Variants in DNA2 observed in about 807,000 individuals in gnomAD.
The protein encoded by DNA2 is DNA replication ATP-dependent helicase/nuclease DNA2.
In DNA2, 101 loss-of-function variants were observed where a neutral mutation model predicts 119.1. The observed-to-expected ratio is 0.85, with a 90% CI of 0.72 to 1.00. The LOEUF (loss-of-function observed/expected upper bound fraction) is 1.00. DNA2 is among the 50% of genes least tolerant of loss of function. The probability of loss-of-function intolerance (pLI) is 0.00; values close to 1 mark genes in which losing one functional copy is unlikely to be tolerated. For synonymous variants in DNA2, 366 were observed against 424.4 expected, an observed-to-expected ratio of 0.86 and a Z score of 1.69; for missense variants, 1,121 against 1,255.5, an observed-to-expected ratio of 0.89 and a Z score of 1.62.
In DNA2 at chr10:68,431,867, T is replaced by G. The variant is rs780293065; in HGVS notation, c.1978A>C (p.Thr660Pro). ...CAGAAGAATAATAACCTTACGAGAG[T>G]ACATATCGTAGTTGTTTTTCCTGTC... Reference protein sequence around the residue: ...PGTGKTTTICTLVRILYACGF... With the variant: ...PGTGKTTTICPLVRILYACGF... Residue 660 changes from threonine to proline, a missense_variant, in exon 13 of 21, where the codon ACT (threonine) becomes CCT (proline). By Grantham distance (38) the Thr-to-Pro change is conservative (BLOSUM62 -1). Coordinates refer to ENST00000358410, the MANE Select transcript of DNA2 (RefSeq NM_001080449.3). The G allele has an allele frequency of 2.5e-6, 4 of 1,597,118 alleles. No individual in the cohort carries two copies. Among genetic ancestry groups the G allele is most frequent in the Non-Finnish European group, 3.4e-6 (4 of 1,165,160 alleles).
chr10:68,453,627 T>C (rs2052147737), intron 5 of DNA2, among the ~76,000 whole-genome samples: 1 of 152,202 alleles, frequency 6.6e-6, no homozygotes, highest in South Asian at 2.1e-4. Context: ...CTAGCTATTG[T>C]GGTAATACAA....
intron 9 of DNA2, 114 bp from the exon 10 acceptor site, chr10:68,437,355 G>T: frequency 1.1e-6 from 1 of 934,532 alleles, no homozygotes; most frequent in Non-Finnish European, 1.6e-6. Context: ...TATTATTGAG[G>T]CCGGGTGTGG....
intron 5 of DNA2, among the ~76,000 whole-genome samples, chr10:68,455,856 AAACTC>A (rs1017223827): frequency 1.3e-5 from 2 of 150,694 alleles, no homozygotes; most frequent in African/African-American, 2.4e-5. Flanking sequence ...AACAAACAAA[AAACTC>A]AACTCTAACA....
chr10:68,451,918 A>G (rs940621250), intron 5 of DNA2, among the ~76,000 whole-genome samples: 3 of 151,764 alleles, frequency 2.0e-5, no homozygotes, highest in Non-Finnish European at 4.4e-5. Flanking sequence ...AACAAATGAG[A>G]ATATTTTCTA....
At chr10:68,459,629 G>T (rs750960216) in intron 4 of DNA2, among the ~76,000 whole-genome samples, 1 of 152,084 alleles carries the variant, frequency 6.6e-6, no homozygotes, top group Non-Finnish European at 1.5e-5. Flanking sequence ...TTGTTTCAAG[G>T]GCACAAAGCT....
intron 5 of DNA2, among the ~76,000 whole-genome samples, chr10:68,454,055 A>C (rs560715450): frequency 6.6e-6 from 1 of 152,278 alleles, no homozygotes; most frequent in Admixed American, 6.5e-5. Context: ...TTGCTGACCT[A>C]TCCTAAGCCT....
chr10:68,422,080 TG>T, intron 17 of DNA2, 144 bp downstream of exon 17: 1 of 628,212 alleles, frequency 1.6e-6, no homozygotes, highest in Non-Finnish European at 2.6e-6. Flanking sequence ...CGCAAAGTGC[TG>T]GGATTACAGG....
chr10:68,446,797 A>G (rs1479844184), intron 6 of DNA2, among the ~76,000 whole-genome samples: 1 of 152,148 alleles, frequency 6.6e-6, no homozygotes, highest in African/African-American at 2.4e-5. Flanking sequence ...AAAACAATTG[A>G]ATTCATGGAG....
intron 9 of DNA2, among the ~76,000 whole-genome samples, chr10:68,441,876 T>C (rs1204071131): frequency 6.6e-6 from 1 of 152,152 alleles, no homozygotes; most frequent in Admixed American, 6.6e-5. Context: ...CTCAAGTTTA[T>C]AATGTTATCA....
At position 68,450,248 on chromosome 10, in the gene DNA2, C is replaced by T. The variant is rs2133414294; in HGVS notation, c.720-1G>A. On this transcript the variant is annotated splice_acceptor_variant, in intron 5 of 20. Transcript: ENST00000358410. LOFTEE classifies it high-confidence loss of function. ...ATTATCCTTACTATTATCACTTGGC[C>T]TGAAAAAAAAAAAAGCACAAAAACA... 3 of 1,549,394 alleles carry T rather than the reference C, an allele frequency of 1.9e-6. No individual in the cohort carries two copies. Among genetic ancestry groups the T allele is most frequent in the Non-Finnish European group, 1.7e-6 (2 of 1,146,788 alleles).
At chr10:68,435,400 T>C (rs2051874537) in intron 10 of DNA2, among the ~76,000 whole-genome samples, 1 of 151,942 alleles carries the variant, frequency 6.6e-6, no homozygotes, top group South Asian at 2.1e-4. Flanking sequence ...AGGCCAGGCG[T>C]GGTGGCTCAC....
intron 10 of DNA2, among the ~76,000 whole-genome samples, chr10:68,436,044 C>A (rs578164704): frequency 1.3e-5 from 2 of 152,098 alleles, no homozygotes; most frequent in Non-Finnish European, 2.9e-5. Context: ...AAATGTTAAA[C>A]ATGAAATTAG....
intron 14 of DNA2, chr10:68,424,602 C>T (rs867447732): frequency 8.0e-6 from 11 of 1,369,878 alleles, no homozygotes; most frequent in Middle Eastern, 1.8e-4. Flanking sequence ...CAGCAAAAAC[C>T]GCAAACGTCA....
chr10:68,442,494 C>T (rs1432797619), intron 9 of DNA2, among the ~76,000 whole-genome samples: 1 of 152,036 alleles, frequency 6.6e-6, no homozygotes, highest in Non-Finnish European at 1.5e-5. Context: ...TCAAGCGATT[C>T]TCCTGCCTCA....
chr10:68,440,645 G>A (rs1036840727), intron 9 of DNA2, among the ~76,000 whole-genome samples: 5 of 151,762 alleles, frequency 3.3e-5, no homozygotes, highest in African/African-American at 1.2e-4. Flanking sequence ...TACTACAAAA[G>A]GCCTGAGATT....
At position 68,445,044 on chromosome 10, in the gene DNA2, A is replaced by G. The variant is rs1432024029; in HGVS notation, c.1097T>C (p.Phe366Ser). Reference protein sequence around the residue: ...KLRNQMAFSLFHRISKSATRQ... With the variant: ...KLRNQMAFSLSHRISKSATRQ... ...AGTAGCAGATTTGCTAATACGGTGAAACAATGAGAATGCCATCTGGTTTCT... is the reference window on the plus strand; with the variant it reads ...AGTAGCAGATTTGCTAATACGGTGAGACAATGAGAATGCCATCTGGTTTCT... The change falls in exon 8 of 21, where the codon TTT becomes TCT. Residue 366 changes from phenylalanine to serine, a missense_variant. Phe to Ser is a radical substitution (Grantham distance 155). Coordinates refer to ENST00000358410, the MANE Select transcript of DNA2 (RefSeq NM_001080449.3). 3 of 1,610,390 alleles carry G rather than the reference A, an allele frequency of 1.9e-6. No homozygotes were observed. The highest frequency in any genetic ancestry group is 1.1e-5 in the South Asian group (1 of 90,106).
rs1213158450 is a variant in DNA2 at position 68,444,901 on chromosome 10, C to T, written c.1220+20G>A. 1 of 1,603,746 alleles carries T rather than the reference C, an allele frequency of 6.2e-7. No homozygotes were observed. On this transcript the variant is annotated intron_variant, in intron 8 of 20. Transcript: ENST00000358410. ...GTTCATACTCAACTAGAAATAATGC[C>T]TTTGGTAGACAATATTTACCTGCTA...
intron 5 of DNA2, among the ~76,000 whole-genome samples, chr10:68,450,590 T>C (rs971810415): frequency 1.3e-5 from 2 of 152,240 alleles, no homozygotes; most frequent in African/African-American, 4.8e-5. Context: ...TTAGTCTTTC[T>C]TGGTATTTAT....
At chr10:68,442,128 G>A (rs530338908) in intron 9 of DNA2, among the ~76,000 whole-genome samples, 15 of 151,328 alleles carry the variant, frequency 9.9e-5, no homozygotes, top group African/African-American at 9.7e-5. Context: ...TTGCCCAGGC[G>A]GGTCTCAAAC....
Sources: gnomAD v4.1 joint callset for allele counts (sites outside exome capture counted in the v4.1 genomes callset) on GRCh38, gnomAD v4.1.1 for gene constraint, MANE v1.5 for transcripts, NCBI Gene and HGNC (gene_info 2026-07-23, HGNC 2026-07-21) for gene names.